The following THSD4 variants were observed in gnomAD, a reference collection of about 807,000 sequenced individuals.
The protein encoded by THSD4 is thrombospondin type-1 domain-containing protein 4.
THSD4 carries 69 observed loss-of-function variants against 119.0 expected under a neutral mutation model. The ratio of observed to expected loss-of-function variants is 0.58; its 90% confidence interval spans 0.48 to 0.71. The LOEUF (loss-of-function observed/expected upper bound fraction) is 0.71, where lower values mean the gene tolerates loss of function less well. Among genes scored for constraint, THSD4 ranks in the 30% least tolerant of loss-of-function variants. The probability of loss-of-function intolerance (pLI) is 0.00; values close to 1 mark genes in which losing one functional copy is unlikely to be tolerated. For missense variants in THSD4, 1,393 were observed against 1,391.1 expected, an observed-to-expected ratio of 1.00 and a Z score of -0.02; for synonymous variants, 524 against 540.4, an observed-to-expected ratio of 0.97 and a Z score of 0.42.
chr15:71,499,511 A>C (rs543743529), intron 7 of THSD4, among the ~76,000 whole-genome samples: 1 of 152,082 alleles, frequency 6.6e-6, no homozygotes, highest in East Asian at 1.9e-4. Context: ...AAAAAAAAAA[A>C]AACATAAAAT....
chr15:71,567,622 A>G (rs942864343), intron 7 of THSD4, among the ~76,000 whole-genome samples: 1 of 148,606 alleles, frequency 6.7e-6, no homozygotes, highest in Non-Finnish European at 1.5e-5. Flanking sequence ...ACACACACAC[A>G]TGAAAGAGAG....
At chr15:71,253,574 A>G (rs1371596230) in intron 5 of THSD4, among the ~76,000 whole-genome samples, 2 of 151,962 alleles carry the variant, frequency 1.3e-5, no homozygotes, top group Non-Finnish European at 2.9e-5. Flanking sequence ...TGCCCGGCTA[A>G]TTTTTTGTAT....
At position 71,460,933 on chromosome 15, in the gene THSD4, CTCTATGTTAACCCCCCCA is replaced by C. The variant is rs1464307889; in HGVS notation, c.1152+49112_1152+49129del. On this transcript the variant is annotated intron_variant, in intron 7 of 17. Transcript: ENST00000261862. ...AAAAACTGAGTTTTACTCATGGTAG[CTCTATGTTAACCCCCCCA>C]TATTCATTAACTATTGCTGCATAAC... Among the ~76,000 whole-genome samples the C allele has an allele frequency of 2.6e-5, 4 of 152,242 alleles. No homozygotes were observed. The South Asian group carries it at 6.2e-4, about 24-fold the overall frequency.
intron 5 of THSD4, among the ~76,000 whole-genome samples, chr15:71,252,942 A>C (rs1174260838): frequency 6.6e-6 from 1 of 152,124 alleles, no homozygotes; most frequent in African/African-American, 2.4e-5. Flanking sequence ...TGCTGCCTCA[A>C]TAACCCACTT....
At chr15:71,573,669 T>C (rs540722667) in intron 7 of THSD4, among the ~76,000 whole-genome samples, 153 of 152,340 alleles carry the variant, frequency 1.0e-3, no homozygotes, top group African/African-American at 3.6e-3. Context: ...TAGGATAATC[T>C]AATTTCCCTT....
chr15:71,659,231 A>C (rs1474262335), intron 7 of THSD4, among the ~76,000 whole-genome samples: 1 of 152,170 alleles, frequency 6.6e-6, no homozygotes, highest in Non-Finnish European at 1.5e-5. Context: ...TACTCACAAT[A>C]TTTCATTGTC....
At chr15:71,577,709 A>ATTTTATTTTAT (rs1555428637) in intron 7 of THSD4, among the ~76,000 whole-genome samples, 5 of 109,550 alleles carry the variant, frequency 4.6e-5, no homozygotes, top group Admixed American at 9.9e-5. Context: ...ACCTTTATTT[A>ATTTTATTTTAT]TTTATTTTAT....
chr15:71,242,212 G>A (rs1046441493), intron 4 of THSD4, among the ~76,000 whole-genome samples: 1 of 151,982 alleles, frequency 6.6e-6, no homozygotes, highest in African/African-American at 2.4e-5. Flanking sequence ...AGTTGAAGGA[G>A]CAAAAAATAC....
intron 7 of THSD4, among the ~76,000 whole-genome samples, chr15:71,472,359 T>G (rs1258113119): frequency 6.6e-6 from 1 of 152,222 alleles, no homozygotes; most frequent in East Asian, 1.9e-4. Context: ...TCAATACATA[T>G]TAACCACTAC....
At chr15:71,635,406 C>G (rs920424960) in intron 7 of THSD4, among the ~76,000 whole-genome samples, 4 of 152,042 alleles carry the variant, frequency 2.6e-5, no homozygotes, top group Non-Finnish European at 5.9e-5. Flanking sequence ...ATTTGAGGCA[C>G]CCTGGAAAAT....
intron 6 of THSD4, among the ~76,000 whole-genome samples, chr15:71,296,807 G>C (rs1295100717): frequency 6.6e-6 from 1 of 152,184 alleles, no homozygotes; most frequent in Non-Finnish European, 1.5e-5. Flanking sequence ...AACTTGTTGA[G>C]AAGCCTCATC....
At chr15:71,460,305 G>GTT (rs563476190) in intron 7 of THSD4, among the ~76,000 whole-genome samples, 1,839 of 122,528 alleles carry the variant, frequency 0.015, 38 homozygotes, top group Middle Eastern at 0.023. Flanking sequence ...AAGTTGCCTG[G>GTT]TTTTTTTTTT....
intron 6 of THSD4, among the ~76,000 whole-genome samples, chr15:71,372,431 T>A (rs1460132750): frequency 6.6e-6 from 1 of 152,234 alleles, no homozygotes; most frequent in Non-Finnish European, 1.5e-5. Context: ...TGGTCTTTGA[T>A]GATGGTGACG....
chr15:71,781,088 A>T lies in THSD4; in HGVS notation c.*3714A>T. 3.8e-6 allele frequency: 1 copy of T among 263,464 alleles called. No individual in the cohort carries two copies. The highest frequency in any genetic ancestry group is 4.6e-5 in the Admixed American group (1 of 21,970). The allele number at this position is 263,464 out of a possible 1,614,324, so 16.3% of individuals were successfully genotyped here. A position where few individuals can be genotyped will look rare whatever the true frequency, so the allele number is the denominator to read the frequency against. ...ATCTATATCAGCCTTGTGGGTGGAGACTAGTATTTGATCCTTGCCATATAA... is the reference window on the plus strand; with the variant it reads ...ATCTATATCAGCCTTGTGGGTGGAGTCTAGTATTTGATCCTTGCCATATAA... On this transcript the variant is annotated 3_prime_UTR_variant, in exon 18 of 18. Coordinates refer to ENST00000261862, the MANE Select transcript of THSD4 (RefSeq NM_024817.3).
intron 2 of THSD4, among the ~76,000 whole-genome samples, chr15:71,146,278 C>G (rs1316558331): frequency 1.3e-5 from 2 of 152,168 alleles, no homozygotes; most frequent in South Asian, 4.2e-4. Flanking sequence ...TTGCACAAAC[C>G]ACACCCATAA....
intron 6 of THSD4, among the ~76,000 whole-genome samples, chr15:71,297,522 G>A (rs2044883112): frequency 6.6e-6 from 1 of 152,086 alleles, no homozygotes; most frequent in Non-Finnish European, 1.5e-5. Flanking sequence ...TCTTAGTAGA[G>A]ACAGGGTTTC....
At position 71,782,933 on chromosome 15, in the gene THSD4, G is replaced by C. The variant is rs757419461; in HGVS notation, c.*5559G>C. ...CAGCGTCAGTTGCTCGGTGGGCTTG[G>C]TTAGAGCCGTGGGTGAGGCAGGTGG... On this transcript the variant is annotated 3_prime_UTR_variant, in exon 18 of 18. Transcript: ENST00000261862. 9.8e-5 allele frequency: 15 copies of C among 152,430 alleles called. No individual in the cohort carries two copies. The highest frequency in any genetic ancestry group is 6.6e-3 in the Middle Eastern group (2 of 302). 9.4% of individuals were successfully genotyped at this position (152,430 alleles called of 1,614,324 possible).
At chr15:71,407,068 TTTCTC>T (rs2046619367) in intron 6 of THSD4, among the ~76,000 whole-genome samples, 1 of 152,192 alleles carries the variant, frequency 6.6e-6, no homozygotes, top group South Asian at 2.1e-4. Context: ...AAAATGTACT[TTTCTC>T]TAGTAACAAT....
chr15:71,232,199 T>A (rs562475318), intron 4 of THSD4, among the ~76,000 whole-genome samples: 2 of 152,292 alleles, frequency 1.3e-5, no homozygotes, highest in South Asian at 4.1e-4. Flanking sequence ...CCTAGCTCCC[T>A]TTAATTCCCA....
Sources: gnomAD v4.1 joint callset for allele counts (sites outside exome capture counted in the v4.1 genomes callset) on GRCh38, gnomAD v4.1.1 for gene constraint, MANE v1.5 for transcripts, NCBI Gene and HGNC (gene_info 2026-07-23, HGNC 2026-07-21) for gene names.